The following KLF17 variants were observed in gnomAD, a reference collection of about 807,000 sequenced individuals.
The protein encoded by KLF17 is KLF transcription factor 17.
In KLF17, 31 loss-of-function variants were observed where a neutral mutation model predicts 34.2. That is an observed-to-expected ratio of 0.91 (90% CI 0.68 to 1.22). The LOEUF (loss-of-function observed/expected upper bound fraction) is 1.22. Ranked by LOEUF, KLF17 falls within the 50% of genes most tolerant of loss-of-function variation. The pLI is 0.00. For missense variants in KLF17, 478 were observed against 505.2 expected (o/e 0.95, Z 0.52); for synonymous variants, 179 against 186.7 (o/e 0.96, Z 0.34).
the KLF17 span, among the ~76,000 whole-genome samples, chr1:44,053,082 G>T: frequency 6.2e-4 from 94 of 152,130 alleles, no homozygotes; most frequent in African/African-American, 2.3e-3. Flanking sequence ...TGTATTTTTA[G>T]TAGAGATGGG....
the KLF17 span, among the ~76,000 whole-genome samples, chr1:44,092,749 C>T: frequency 6.6e-6 from 1 of 151,616 alleles, no homozygotes; most frequent in African/African-American, 2.4e-5. Context: ...GTACCCTTTA[C>T]TCAAGGGGTA....
chr1:44,063,396 T>C, the KLF17 span, among the ~76,000 whole-genome samples: 2 of 152,216 alleles, frequency 1.3e-5, no homozygotes, highest in African/African-American at 4.8e-5. Flanking sequence ...AAAAATCATA[T>C]AGATGCCAAT....
the KLF17 span, among the ~76,000 whole-genome samples, chr1:44,091,961 A>ACACACTCTCTCT: frequency 1.9e-3 from 224 of 116,550 alleles, no homozygotes; most frequent in African/African-American, 7.4e-3. Flanking sequence ...ACACACACAC[A>ACACACTCTCTCT]CTCTCTCTCT....
intron 1 of KLF17, among the ~76,000 whole-genome samples, chr1:44,128,374 C>T (rs2088053536): frequency 1.3e-5 from 2 of 152,174 alleles, no homozygotes; most frequent in South Asian, 4.1e-4. Context: ...AAATATGGTT[C>T]TTGGCTTCTA....
chr1:44,059,483 G>A, the KLF17 span, among the ~76,000 whole-genome samples: 122 of 152,198 alleles, frequency 8.0e-4, 1 homozygote, highest in South Asian at 0.025. Context: ...ATGGTTGCTG[G>A]ATTTGTCATC....
At position 44,134,152 on chromosome 1, in the gene KLF17, G is replaced by A. The variant is rs368009508; in HGVS notation, c.*915G>A. The stretch of plus-strand genomic sequence containing the variant: ...GGAGAGGACCAGAGTGATCAAGGGT[G>A]TATGATGTGCACTACAATGGTGGGC... On this transcript the variant is annotated 3_prime_UTR_variant, in exon 4 of 4. Transcript: ENST00000372299. 1.3e-5 allele frequency: 2 copies of A among 152,210 alleles called. No individual in the cohort carries two copies. Among genetic ancestry groups the A allele is most frequent in the South Asian group, 4.1e-4 (2 of 4,828 alleles). The allele number at this position is 152,210 out of a possible 1,614,324, so 9.4% of individuals were successfully genotyped here. A position where few individuals can be genotyped will look rare whatever the true frequency, so the allele number is the denominator to read the frequency against.
chr1:44,085,832 A>AT, the KLF17 span, among the ~76,000 whole-genome samples: 1 of 145,230 alleles, frequency 6.9e-6, no homozygotes, highest in Non-Finnish European at 1.5e-5. Context: ...AAAAAAAAAA[A>AT]GGAGAGAGAG....
chr1:44,094,143 T>G, the KLF17 span, among the ~76,000 whole-genome samples: 1 of 152,216 alleles, frequency 6.6e-6, no homozygotes, highest in Non-Finnish European at 1.5e-5. Context: ...ATGTCTTCTT[T>G]TGAGAAATGT....
the KLF17 span, among the ~76,000 whole-genome samples, chr1:44,057,684 G>C: frequency 6.6e-6 from 1 of 152,158 alleles, no homozygotes; most frequent in Non-Finnish European, 1.5e-5. Flanking sequence ...TCTCCCTGAG[G>C]CTGAGCAATG....
At chr1:44,079,989 C>T in the KLF17 span, among the ~76,000 whole-genome samples, 22 of 148,914 alleles carry the variant, frequency 1.5e-4, no homozygotes, top group African/African-American at 5.0e-4. Flanking sequence ...AGTGCAGTGG[C>T]GTGATCTCGG....
At chr1:44,071,957 T>A in the KLF17 span, among the ~76,000 whole-genome samples, 1 of 151,890 alleles carries the variant, frequency 6.6e-6, no homozygotes, top group Non-Finnish European at 1.5e-5. Context: ...TGGGCTGCCC[T>A]TTGCCTCCTC....
chr1:44,116,240 T>C (rs1203259501), upstream of KLF17, among the ~76,000 whole-genome samples: 3 of 152,068 alleles, frequency 2.0e-5, no homozygotes, highest in Non-Finnish European at 4.4e-5. Flanking sequence ...AGCCACCATT[T>C]CTCAAGGGCC....
At chr1:44,046,880 A>G in the KLF17 span, among the ~76,000 whole-genome samples, 1 of 152,060 alleles carries the variant, frequency 6.6e-6, no homozygotes, top group South Asian at 2.1e-4. Context: ...AAAATTAGCT[A>G]GGTGTGATGG....
At chr1:44,074,014 C>G in the KLF17 span, among the ~76,000 whole-genome samples, 1 of 152,138 alleles carries the variant, frequency 6.6e-6, no homozygotes, top group Non-Finnish European at 1.5e-5. Context: ...TAGCTGCCCC[C>G]CCAACAATAT....
chr1:44,103,648 G>T, the KLF17 span: 43 of 1,610,262 alleles, frequency 2.7e-5, no homozygotes, highest in Non-Finnish European at 3.5e-5. Flanking sequence ...ACGTTCATCA[G>T]CTCCTAGTAC....
At chr1:44,067,813 G>A in the KLF17 span, among the ~76,000 whole-genome samples, 1 of 152,008 alleles carries the variant, frequency 6.6e-6, no homozygotes. Flanking sequence ...ACCTCATGGG[G>A]GAAGGGTGGG....
the KLF17 span, among the ~76,000 whole-genome samples, chr1:44,054,979 C>T: frequency 1.3e-5 from 2 of 151,814 alleles, no homozygotes; most frequent in East Asian, 1.9e-4. Context: ...CAGGGTTTCA[C>T]TGTGTTAGCC....
At chr1:44,066,161 AT>A in the KLF17 span, among the ~76,000 whole-genome samples, 1 of 152,068 alleles carries the variant, frequency 6.6e-6, no homozygotes, top group Non-Finnish European at 1.5e-5. Flanking sequence ...CTACAAAAAA[AT>A]TTTTAAAAAT....
chr1:44,111,669 G>A, the KLF17 span, among the ~76,000 whole-genome samples: 1 of 151,894 alleles, frequency 6.6e-6, no homozygotes, highest in Non-Finnish European at 1.5e-5. Flanking sequence ...CGAGGTGGGC[G>A]GATCATGAGG....
Sources: allele counts gnomAD v4.1 joint callset (sites outside exome capture counted in the v4.1 genomes callset), GRCh38; gene constraint gnomAD v4.1.1; transcripts MANE v1.5; gene names NCBI Gene and HGNC (gene_info 2026-07-23, HGNC 2026-07-21).